Variants in GGA2 observed in about 807,000 individuals in gnomAD.
The protein encoded by GGA2 is golgi associated, gamma adaptin ear containing, ARF binding protein 2, also known as ADP-ribosylation factor-binding protein GGA2.
Under a neutral mutation model 79.5 loss-of-function variants are expected in GGA2, and 48 were observed. The observed-to-expected ratio is 0.60, with a 90% CI of 0.48 to 0.77. GGA2 has a LOEUF of 0.77. Ranked by LOEUF, GGA2 falls within the 30% of genes least tolerant of loss-of-function variation. The pLI is 0.00. For missense variants in GGA2, 770 were observed against 774.0 expected, an observed-to-expected ratio of 0.99 and a Z score of 0.06; for synonymous variants, 317 against 302.0, an observed-to-expected ratio of 1.05 and a Z score of -0.51.
chr16:23,472,979 G>A (rs2142114890), intron 14 of GGA2, among the ~76,000 whole-genome samples: 1 of 143,720 alleles, frequency 7.0e-6, no homozygotes, highest in South Asian at 2.2e-4. Flanking sequence ...CTTGCAGTGA[G>A]CCGAGATCAT....
intron 1 of GGA2, among the ~76,000 whole-genome samples, chr16:23,499,419 C>T (rs1964895340): frequency 6.6e-6 from 1 of 152,088 alleles, no homozygotes; most frequent in Non-Finnish European, 1.5e-5. Context: ...AGTGGGATTA[C>T]AGGTGTGAGC....
Position 23,480,640 on chromosome 16 carries a change from C to T in GGA2, c.1006+5G>A. 1 of 1,607,772 alleles carries T rather than the reference C, an allele frequency of 6.2e-7. No homozygotes were observed. The highest frequency in any genetic ancestry group is 8.5e-7 in the Non-Finnish European group (1 of 1,174,906). On this transcript the variant is annotated splice_donor_5th_base_variant and intron_variant, in intron 10 of 16. Coordinates refer to ENST00000309859, the MANE Select transcript of GGA2 (RefSeq NM_015044.4). ...GAGAAGGCAAGGAGAAGCTTTCAAA[C>T]ATACCTCTGGAGACAGGGATGTCTC... is the stretch of plus-strand genomic sequence containing the variant.
intron 1 of GGA2, among the ~76,000 whole-genome samples, chr16:23,502,741 A>C (rs1209607600): frequency 6.6e-6 from 1 of 152,236 alleles, no homozygotes; most frequent in Non-Finnish European, 1.5e-5. Flanking sequence ...GCTCCCACTG[A>C]CATGCAGTCA....
intron 1 of GGA2, among the ~76,000 whole-genome samples, chr16:23,497,940 C>A (rs978755596): frequency 1.3e-5 from 2 of 152,094 alleles, no homozygotes; most frequent in Non-Finnish European, 2.9e-5. Context: ...TTGAGACCAG[C>A]CTGAGCAACA....
chr16:23,480,603 T>A, intron 10 of GGA2, 42 bp downstream of exon 10: 2 of 1,563,788 alleles, frequency 1.3e-6, no homozygotes, highest in South Asian at 2.2e-5. Context: ...AATTACAGGC[T>A]GCCCCAAGGC....
At chr16:23,475,774 A>G (rs1039552614) in intron 13 of GGA2, among the ~76,000 whole-genome samples, 2 of 151,566 alleles carry the variant, frequency 1.3e-5, no homozygotes, top group Non-Finnish European at 2.9e-5. Context: ...AATAAAAAAT[A>G]AAAAATTAGC....
rs1161579900 is a variant in GGA2 at position 23,500,977 on chromosome 16, A to G, written c.92-5199T>C. The G allele has an allele frequency of 3.2e-5, 10 of 316,338 alleles. 1 individual carries two copies. The highest frequency in any genetic ancestry group is 1.4e-4 in the South Asian group (5 of 36,062). The allele number at this position is 316,338 out of a possible 1,614,324, so 19.6% of individuals were successfully genotyped here. On this transcript the variant is annotated intron_variant, in intron 1 of 16. Transcript: ENST00000309859. ...ACCTCGTGTTACACCATATTGCTAG[A>G]TAACAGAACAGTCAGCCAGCCTGAT...
At chr16:23,481,405 G>T (rs1224967538) in intron 9 of GGA2, among the ~76,000 whole-genome samples, 1 of 152,150 alleles carries the variant, frequency 6.6e-6, no homozygotes, top group Non-Finnish European at 1.5e-5. Context: ...AACAGAACAT[G>T]AGCAGCATCA....
At position 23,466,611 on chromosome 16, in the gene GGA2, A is replaced by G. The variant is rs993884498; in HGVS notation, c.*979T>C. ...AAAGTACACTTGCTACATGGTATTT[A>G]TTCAATGACTGTATATTTAGTCACC... is the stretch of plus-strand genomic sequence containing the variant. On this transcript the variant is annotated 3_prime_UTR_variant, in exon 17 of 17. Transcript: ENST00000309859. The G allele has an allele frequency of 6.6e-6, 1 of 152,220 alleles. No homozygotes were observed. Among genetic ancestry groups the G allele is most frequent in the African/African-American group, 2.4e-5 (1 of 41,444 alleles). The allele number at this position is 152,220 out of a possible 1,614,324, so 9.4% of individuals were successfully genotyped here.
chr16:23,463,610 A>G lies in GGA2; in HGVS notation c.*3980T>C, dbSNP rs1964400023. On this transcript the variant is annotated 3_prime_UTR_variant, in exon 17 of 17. Coordinates refer to ENST00000309859, the MANE Select transcript of GGA2 (RefSeq NM_015044.4). ...GAAAAAATTTAAAGAAAATTTATCT[A>G]TAATTCCCTGACCCAAAGATTACCA... The G allele has an allele frequency of 6.6e-6, 1 of 152,246 alleles. No homozygotes were observed. The highest frequency in any genetic ancestry group is 2.1e-4 in the South Asian group (1 of 4,834). 9.4% of individuals were successfully genotyped at this position (152,246 alleles called of 1,614,324 possible).
chr16:23,521,756 TA>T (rs1304091405), intron 1 of GGA2: 1 of 449,652 alleles, frequency 2.2e-6, no homozygotes, highest in Non-Finnish European at 4.4e-6. Flanking sequence ...AGAATCGACT[TA>T]GTATTTTGAC....
chr16:23,490,089 G>A (rs1162150028), intron 5 of GGA2, among the ~76,000 whole-genome samples: 1 of 152,310 alleles, frequency 6.6e-6, no homozygotes, highest in East Asian at 1.9e-4. Context: ...ACTGCTACGA[G>A]TGGCAAGAAC....
At chr16:23,481,552 C>T (rs1197905479) in intron 9 of GGA2, among the ~76,000 whole-genome samples, 1 of 152,124 alleles carries the variant, frequency 6.6e-6, no homozygotes, top group Non-Finnish European at 1.5e-5. Context: ...GCGGGCAAAT[C>T]ACTTGAGCCC....
At chr16:23,480,337 A>T (rs1487766623) in intron 10 of GGA2, 4 of 326,390 alleles carry the variant, frequency 1.2e-5, no homozygotes, top group South Asian at 4.8e-5. Context: ...GGCACTAGGA[A>T]CCACTAAGGA....
intron 1 of GGA2, among the ~76,000 whole-genome samples, chr16:23,497,118 A>G (rs1212190119): frequency 6.6e-6 from 1 of 151,826 alleles, no homozygotes; most frequent in Non-Finnish European, 1.5e-5. Flanking sequence ...AACAAAAAAA[A>G]AAAACAACCA....
intron 1 of GGA2, among the ~76,000 whole-genome samples, chr16:23,501,846 G>A (rs1316700732): frequency 6.6e-6 from 1 of 152,186 alleles, no homozygotes; most frequent in African/African-American, 2.4e-5. Context: ...GGTATGAACA[G>A]TGGGTGCCAG....
chr16:23,502,826 A>G (rs1363669543), intron 1 of GGA2, among the ~76,000 whole-genome samples: 1 of 152,212 alleles, frequency 6.6e-6, no homozygotes, highest in African/African-American at 2.4e-5. Context: ...TCCAAAATAG[A>G]AAGTGCTGAG....
intron 1 of GGA2, among the ~76,000 whole-genome samples, chr16:23,521,384 TTTTAAC>T (rs1292409312): frequency 2.6e-5 from 4 of 152,098 alleles, no homozygotes; most frequent in Admixed American, 1.3e-4. Flanking sequence ...GTATCTATCC[TTTTAAC>T]TTTATTTTAT....
chr16:23,511,403 C>T (rs949778814), upstream of GGA2, among the ~76,000 whole-genome samples: 2 of 151,934 alleles, frequency 1.3e-5, no homozygotes, highest in Non-Finnish European at 2.9e-5. Context: ...TCGTGATCTG[C>T]CCGCTTCGCC....
Sources: gnomAD v4.1 joint callset for allele counts (sites outside exome capture counted in the v4.1 genomes callset) on GRCh38, gnomAD v4.1.1 for gene constraint, MANE v1.5 for transcripts, NCBI Gene and HGNC (gene_info 2026-07-23, HGNC 2026-07-21) for gene names.